Variants in HMGN5 observed in about 807,000 individuals in gnomAD.
HMGN5 encodes high mobility group nucleosome-binding domain-containing protein 5.
Under a neutral mutation model 9.5 loss-of-function variants are expected in HMGN5, and 4 were observed. That is an observed-to-expected ratio of 0.42 (90% CI 0.21 to 0.96). HMGN5 has a LOEUF of 0.96. Among genes scored for constraint, HMGN5 ranks in the 40% least tolerant of loss-of-function variants. HMGN5 has a pLI of 0.30. For missense variants in HMGN5, 192 were observed against 187.5 expected, an observed-to-expected ratio of 1.02 and a Z score of -0.14; for synonymous variants, 55 against 57.1, an observed-to-expected ratio of 0.96 and a Z score of 0.16.
intron 1 of HMGN5, among the ~76,000 whole-genome samples, chrX:81,141,435 C>G (rs2075329136): frequency 9.4e-6 from 1 of 106,849 alleles, no homozygotes; most frequent in Non-Finnish European, 1.9e-5. Context: ...TTATTTCGCT[C>G]CATCCCCAGC....
At chrX:81,145,908 G>C (rs916204114) in intron 1 of HMGN5, among the ~76,000 whole-genome samples, 27 of 111,233 alleles carry the variant, frequency 2.4e-4, no homozygotes, top group African/African-American at 8.8e-4. Context: ...ACAAAGAGGA[G>C]CATTATATAG....
intron 6 of HMGN5, among the ~76,000 whole-genome samples, chrX:81,115,520 T>C (rs942965225): frequency 3.6e-5 from 4 of 112,279 alleles, no homozygotes; most frequent in African/African-American, 1.3e-4. Context: ...AAGCACAAAG[T>C]AAATACTTAA....
chrX:81,176,425 C>T (rs1031033082), intron 1 of HMGN5, among the ~76,000 whole-genome samples: 10 of 111,175 alleles, frequency 9.0e-5, no homozygotes, highest in East Asian at 2.8e-4. Flanking sequence ...CAAAGCTGGA[C>T]GGAGAATGAC....
Position 81,115,177 on chromosome X carries a change from A to T in HMGN5, c.321T>A (p.Asp107Glu), listed in dbSNP as rs1183434045. The change falls in exon 7 of 7, where the codon GAT becomes GAA. Residue 107 changes from aspartate to glutamate, a missense_variant. Asp to Glu is a conservative substitution (Grantham distance 45). Coordinates refer to ENST00000358130, the MANE Select transcript of HMGN5 (RefSeq NM_030763.3). ...TCTTTTCTCCTCCCTTTTCTGTGGCATCTTCAATATTTTCTTCTTTTACTT... is the reference window on the plus strand; with the variant it reads ...TCTTTTCTCCTCCCTTTTCTGTGGCTTCTTCAATATTTTCTTCTTTTACTT... ...IVEVKEENIE[D>E]ATEKGGEKKE... 3.4e-6 allele frequency: 4 copies of T among 1,172,141 alleles called. No individual in the cohort carries two copies. The highest frequency in any genetic ancestry group is 4.6e-6 in the Non-Finnish European group (4 of 877,898).
chrX:81,192,833 C>T (rs554796600), intron 1 of HMGN5, among the ~76,000 whole-genome samples: 2 of 111,084 alleles, frequency 1.8e-5, no homozygotes, highest in East Asian at 2.8e-4. Context: ...TTTTCATTGT[C>T]TTCTGCCTCT....
intron 1 of HMGN5, among the ~76,000 whole-genome samples, chrX:81,185,308 T>A (rs1466148263): frequency 1.8e-5 from 2 of 111,875 alleles, no homozygotes; most frequent in African/African-American, 6.5e-5. Context: ...GTTTTATAGT[T>A]TTTATTGTAG....
intron 1 of HMGN5, among the ~76,000 whole-genome samples, chrX:81,153,142 T>C (rs1001552249): frequency 9.3e-6 from 1 of 107,856 alleles, no homozygotes; most frequent in African/African-American, 3.4e-5. Context: ...ACTTAAAGTA[T>C]AATAATAATT....
At position 81,127,146 on chromosome X, in the gene HMGN5, T is replaced by G. The variant is rs539627187; in HGVS notation, c.-123-5474A>C. ...GTGGCACATTGAAAAAATGACATCT[T>G]TAGTTTAAAGCAATTATATTTTCAC... On this transcript the variant is annotated intron_variant, in intron 1 of 6. Coordinates refer to ENST00000358130, the MANE Select transcript of HMGN5 (RefSeq NM_030763.3). Among the ~76,000 whole-genome samples, 49 of 112,162 alleles carry G rather than the reference T, an allele frequency of 4.4e-4. No homozygotes were observed. The Middle Eastern group carries it at 0.014, about 32-fold the overall frequency.
At chrX:81,188,349 G>A (rs891594703) in intron 1 of HMGN5, among the ~76,000 whole-genome samples, 4 of 107,408 alleles carry the variant, frequency 3.7e-5, no homozygotes, top group African/African-American at 1.0e-4. Context: ...GGCTGGTCTC[G>A]AACTCCTAAG....
At chrX:81,189,350 T>G (rs2075487495) in intron 1 of HMGN5, among the ~76,000 whole-genome samples, 1 of 111,581 alleles carries the variant, frequency 9.0e-6, no homozygotes, top group Admixed American at 9.5e-5. Context: ...GCTGTGTGTT[T>G]TCAAATAGAA....
rs2075385678 is a variant in HMGN5 at position 81,157,340 on chromosome X, C to A, written c.-123-35668G>T. On this transcript the variant is annotated intron_variant, in intron 1 of 6. Transcript: ENST00000358130. ...TGCTAGTGTATTTACTCAGTCATAGCTGGTGCTAGACTGAAACAGGATGTC... is the reference window on the plus strand; with the variant it reads ...TGCTAGTGTATTTACTCAGTCATAGATGGTGCTAGACTGAAACAGGATGTC... Among the ~76,000 whole-genome samples the A allele has an allele frequency of 2.7e-5, 3 of 112,004 alleles. No individual in the cohort carries two copies. The South Asian group carries it at 1.1e-3, about 41-fold the overall frequency.
intron 1 of HMGN5, among the ~76,000 whole-genome samples, chrX:81,158,874 C>T (rs1229503556): frequency 9.0e-6 from 1 of 111,443 alleles, no homozygotes; most frequent in East Asian, 2.8e-4. Flanking sequence ...CCAGAAATCT[C>T]ATTACTGGGT....
chrX:81,171,090 G>A (rs1161519679), intron 1 of HMGN5, among the ~76,000 whole-genome samples: 1 of 111,291 alleles, frequency 9.0e-6, no homozygotes, highest in East Asian at 2.8e-4. Flanking sequence ...ATAACACATC[G>A]CTATTGAGAC....
intron 2 of HMGN5, among the ~76,000 whole-genome samples, chrX:81,121,049 TGGA>T (rs2075266899): frequency 1.0e-5 from 1 of 96,364 alleles, no homozygotes; most frequent in Admixed American, 1.1e-4. Flanking sequence ...TGACAAGAAG[TGGA>T]GGAGGAGGGA....
rs2075247865 is a variant in HMGN5, at chrX:81,114,741, T to A, written c.757A>T (p.Lys253Ter). The change falls in exon 7 of 7, where the codon AAA becomes TAA. Residue 253 changes from lysine to a stop codon, truncating the protein, a stop_gained. Coordinates refer to ENST00000358130, the MANE Select transcript of HMGN5 (RefSeq NM_030763.3). LOFTEE classifies it low-confidence loss of function (END_TRUNC). ...GGNEEEAGKEKEDLKEEEEGK... is the reference protein window; with the variant it reads ...GGNEEEAGKE Reference sequence around the variant, plus strand: ...TCTTCCTCTTCTTTTAAATCTTCTTTCTCTTTTCCAGCTTCTTCCTCATTT... The same window carrying A: ...TCTTCCTCTTCTTTTAAATCTTCTTACTCTTTTCCAGCTTCTTCCTCATTT... 4 of 1,160,724 alleles carry A rather than the reference T, an allele frequency of 3.4e-6. No individual in the cohort carries two copies. In the South Asian group the frequency reaches 7.8e-5, roughly 23 times the overall value.
chrX:81,185,160 A>G (rs1189287165), intron 1 of HMGN5, among the ~76,000 whole-genome samples: 1 of 111,784 alleles, frequency 8.9e-6, no homozygotes, highest in Non-Finnish European at 1.9e-5. Context: ...TAAGAATGTC[A>G]TTGTTACATT....
rs923608724 is a variant in HMGN5 at position 81,114,834 on chromosome X, CT to C, written c.663del (p.Glu222ArgfsTer5). 8.6e-7 allele frequency: 1 copy of C among 1,160,503 alleles called. No homozygotes were observed. Among genetic ancestry groups the C allele is most frequent in the Admixed American group, 2.6e-5 (1 of 38,275 alleles). Reference sequence around the variant, plus strand: ...TCTTTGACTTTTACATCTTTCCCCTCTTTTTTATCTCCCTTCTCTTTTCCAT... The same window carrying C: ...TCTTTGACTTTTACATCTTTCCCCTCTTTTTATCTCCCTTCTCTTTTCCAT... ...NEDGKEKGDK[K>X]EGKDVKVKED... On this transcript the variant is annotated frameshift_variant, in exon 7 of 7. Transcript: ENST00000358130. LOFTEE classifies it low-confidence loss of function (END_TRUNC).
intron 1 of HMGN5, among the ~76,000 whole-genome samples, chrX:81,153,654 T>C (rs1356204789): frequency 1.4e-5 from 1 of 70,053 alleles, no homozygotes. Flanking sequence ...TCTCCTTGTT[T>C]ATATTTGAAA....
intron 1 of HMGN5, among the ~76,000 whole-genome samples, chrX:81,184,931 A>C (rs1053841761): frequency 1.3e-4 from 15 of 111,234 alleles, no homozygotes; most frequent in Non-Finnish European, 1.9e-5. Flanking sequence ...AAATGAGTTC[A>C]CTTTAGGTGT....
Sources: allele counts gnomAD v4.1 joint callset (sites outside exome capture counted in the v4.1 genomes callset), GRCh38; gene constraint gnomAD v4.1.1; transcripts MANE v1.5; gene names NCBI Gene and HGNC (gene_info 2026-07-23, HGNC 2026-07-21).